CDHR1: variants seen among roughly 807,000 people sequenced by gnomAD.
The protein encoded by CDHR1 is cadherin related family member 1, also known as cadherin-related family member 1.
Under a neutral mutation model 72.1 loss-of-function variants are expected in CDHR1, and 61 were observed. That is an observed-to-expected ratio of 0.85 (90% CI 0.69 to 1.05). The LOEUF is 1.05. Ranked by LOEUF, CDHR1 falls within the 50% of genes least tolerant of loss-of-function variation. The pLI is 0.00. For missense variants in CDHR1, 1,186 were observed against 1,115.7 expected, an observed-to-expected ratio of 1.06 and a Z score of -0.90; for synonymous variants, 470 against 448.1, an observed-to-expected ratio of 1.05 and a Z score of -0.62.
At chr10:84,196,730 T>C (rs1842037033) in intron 3 of CDHR1, 80 bp downstream of exon 3, 1 of 1,537,886 alleles carries the variant, frequency 6.5e-7, no homozygotes, top group Admixed American at 1.7e-5. Context: ...CTGGAGCACA[T>C]TGGTTAGAAC....
chr10:84,219,269 CATCTTAAAAAGT>C (rs1201297249), downstream of CDHR1: 1 of 1,550,030 alleles, frequency 6.5e-7, no homozygotes, highest in Admixed American at 2.0e-5. Flanking sequence ...GCAGCCCAAG[CATCTTAAAAAGT>C]ATCAGATTCT....
intron 3 of CDHR1, among the ~76,000 whole-genome samples, 181 bp from the exon 4 acceptor site, chr10:84,197,605 G>A (rs1170076320): frequency 1.3e-5 from 2 of 152,102 alleles, no homozygotes; most frequent in African/African-American, 2.4e-5. Flanking sequence ...CAAGCATGGG[G>A]GGAGGCAGCT....
At position 84,203,098 on chromosome 10, in the gene CDHR1, G is replaced by A; in HGVS notation, c.758G>A (p.Gly253Asp). 6.2e-7 allele frequency: 1 copy of A among 1,614,222 alleles called. No homozygotes were observed. Among genetic ancestry groups the A allele is most frequent in the African/African-American group, 1.3e-5 (1 of 75,058 alleles). The change falls in exon 8 of 17, where the codon GGC becomes GAC. Residue 253 changes from glycine to aspartate, a missense_variant. Gly to Asp is a moderately conservative substitution (Grantham distance 94, BLOSUM62 -1). Transcript: ENST00000623527. Reference protein sequence around the residue: ...APVFVGTPYYGYVYEDTLPGS... With the variant: ...APVFVGTPYYDYVYEDTLPGS... Reference sequence around the variant, plus strand: ...GTCTTCGTGGGCACACCCTACTATGGCTATGTGTACGAGGACACCCTTCCG... The same window carrying A: ...GTCTTCGTGGGCACACCCTACTATGACTATGTGTACGAGGACACCCTTCCG...
rs117303241 is a variant in CDHR1, at chr10:84,200,924, A to G, written c.525+237A>G. ...CCCTCCCTCTTCCAACGTCCCCAGG[A>G]CCCTCAGCCCTCCACATCCCCAGCC... is the stretch of plus-strand genomic sequence containing the variant. On this transcript the variant is annotated intron_variant, in intron 6 of 16. Coordinates refer to ENST00000623527, the MANE Select transcript of CDHR1 (RefSeq NM_033100.4). Among the ~76,000 whole-genome samples, 1,309 of 151,998 alleles carry G rather than the reference A, an allele frequency of 8.6e-3. 8 individuals carry two copies. The highest frequency in any genetic ancestry group is 0.012 in the Non-Finnish European group (839 of 67,932).
intron 10 of CDHR1, among the ~76,000 whole-genome samples, chr10:84,207,425 G>T (rs566912430): frequency 1.3e-5 from 2 of 152,226 alleles, no homozygotes; most frequent in South Asian, 2.1e-4. Context: ...TGAATGAGGG[G>T]TGGGATGAGA....
At chr10:84,211,932 C>A (rs967736287) in intron 14 of CDHR1, among the ~76,000 whole-genome samples, 1 of 152,118 alleles carries the variant, frequency 6.6e-6, no homozygotes, top group East Asian at 1.9e-4. Context: ...GGGGAGGGGG[C>A]AGGCCATAGG....
chr10:84,212,407 G>A lies in CDHR1; in HGVS notation c.1782G>A (p.Glu594=). 6.2e-7 allele frequency: 1 copy of A among 1,613,616 alleles called. No individual in the cohort carries two copies. Among genetic ancestry groups the A allele is most frequent in the African/African-American group, 1.3e-5 (1 of 75,026 alleles). The change falls in exon 15 of 17, where the codon GAG becomes GAA. Residue 594 remains glutamate, a splice_region_variant and synonymous_variant. Transcript: ENST00000623527. ...TGCTAGGGACCCCAGTGAAAATTGA[G>A]GTAAGTTTTGGAGGCAGCTGAGCTC... ...TMVLGTPVKI[E]AIDEDAEEPN...
chr10:84,195,693 G>T (rs1018414755), intron 2 of CDHR1, 104 bp downstream of exon 2: 1 of 921,030 alleles, frequency 1.1e-6, no homozygotes, highest in Non-Finnish European at 1.7e-6. Flanking sequence ...GCGCGCGCCC[G>T]GGGGCTCCTT....
chr10:84,215,557 G>A lies in CDHR1; in HGVS notation c.*936G>A, dbSNP rs934790843. ...AACCTTGGGAAAGCTGTTTAAAGTC[G>A]CTGATCATCCTCTTCCTCATCTGTA... On this transcript the variant is annotated 3_prime_UTR_variant, in exon 17 of 17. Coordinates refer to ENST00000623527, the MANE Select transcript of CDHR1 (RefSeq NM_033100.4). 4 of 888,896 alleles carry A rather than the reference G, an allele frequency of 4.5e-6. No individual in the cohort carries two copies. The highest frequency in any genetic ancestry group is 3.6e-5 in the African/African-American group (2 of 55,250). 55.1% of individuals were successfully genotyped at this position (888,896 alleles called of 1,614,324 possible).
intron 6 of CDHR1, 77 bp from the exon 7 acceptor site, chr10:84,201,730 C>A: frequency 8.2e-7 from 1 of 1,215,234 alleles, no homozygotes; most frequent in Non-Finnish European, 1.2e-6. Flanking sequence ...TGAGGACCCC[C>A]TTCAGAAAGC....
chr10:84,204,202 G>A (rs1842181994), intron 8 of CDHR1, among the ~76,000 whole-genome samples: 1 of 152,194 alleles, frequency 6.6e-6, no homozygotes, highest in Non-Finnish European at 1.5e-5. Context: ...TAAGGCTAGA[G>A]GTTAGGGAGC....
At chr10:84,195,004 T>C (rs1490009510) in intron 1 of CDHR1, among the ~76,000 whole-genome samples, 189 bp downstream of exon 1, 1 of 152,050 alleles carries the variant, frequency 6.6e-6, no homozygotes, top group East Asian at 1.9e-4. Context: ...AGCGGAGTAG[T>C]GGGGAGCTCC....
chr10:84,205,119 C>T (rs1442021519), intron 9 of CDHR1, among the ~76,000 whole-genome samples: 1 of 152,176 alleles, frequency 6.6e-6, no homozygotes, highest in Non-Finnish European at 1.5e-5. Context: ...GCTAGCTCCA[C>T]AGTCTGTGCT....
intron 1 of CDHR1, 129 bp downstream of exon 1, chr10:84,194,944 CGGA>C (rs764807362): frequency 3.3e-6 from 3 of 906,640 alleles, no homozygotes; most frequent in Non-Finnish European, 5.2e-6. Context: ...TGGACGGGAG[CGGA>C]GAAGTCCTTC....
intron 3 of CDHR1, among the ~76,000 whole-genome samples, 154 bp from the exon 4 acceptor site, chr10:84,197,632 A>G (rs911610443): frequency 6.6e-6 from 1 of 152,164 alleles, no homozygotes; most frequent in Non-Finnish European, 1.5e-5. Context: ...TCTGCCAGGC[A>G]TGCTGTCACC....
intron 9 of CDHR1, among the ~76,000 whole-genome samples, chr10:84,205,470 G>A (rs1842206788): frequency 6.8e-6 from 1 of 146,968 alleles, no homozygotes; most frequent in Admixed American, 6.9e-5. Context: ...CCCCTTCCAT[G>A]TCCGTCTCTC....
chr10:84,209,323 T>C (rs1369012050), intron 12 of CDHR1, among the ~76,000 whole-genome samples: 1 of 152,170 alleles, frequency 6.6e-6, no homozygotes, highest in African/African-American at 2.4e-5. Context: ...TGAACATATA[T>C]AATATGTTAA....
Position 84,218,129 on chromosome 10 carries a change from G to A in CDHR1, c.*3508G>A, listed in dbSNP as rs564329375. 2.1e-5 allele frequency: 21 copies of A among 985,490 alleles called. No homozygotes were observed. The African/African-American group carries it at 3.5e-4, about 16-fold the overall frequency. The allele number at this position is 985,490 out of a possible 1,614,324, so 61.0% of individuals were successfully genotyped here. On this transcript the variant is annotated 3_prime_UTR_variant, in exon 17 of 17. Transcript: ENST00000623527. Reference sequence around the variant, plus strand: ...GTCTTCAAGGCCTTGGCCACCAAGGGATGGAGAGGGAGAATGGAGAAGATG... The same window carrying A: ...GTCTTCAAGGCCTTGGCCACCAAGGAATGGAGAGGGAGAATGGAGAAGATG...
rs571662198 is a variant in CDHR1 at position 84,199,085 on chromosome 10, G to T, written c.402G>T (p.Arg134Ser). ...LVTDANDEAP[R>S]FIQEPYVALV... ...CCGATGCCAATGATGAGGCGCCCAG[G>T]TTCATCCAGGAGCCTTATGTTGCCC... Residue 134 changes from arginine to serine, a missense_variant, in exon 5 of 17, where the codon AGG (arginine) becomes AGT (serine). Transcript: ENST00000623527. 1.0e-4 allele frequency: 157 copies of T among 1,551,512 alleles called. 1 individual carries two copies. In the South Asian group the frequency reaches 1.7e-3, roughly 16 times the overall value.
Sources: allele counts gnomAD v4.1 joint callset (sites outside exome capture counted in the v4.1 genomes callset), GRCh38; gene constraint gnomAD v4.1.1; transcripts MANE v1.5; gene names NCBI Gene and HGNC (gene_info 2026-07-23, HGNC 2026-07-21).